CLDN14: variants seen among roughly 807,000 people sequenced by gnomAD.
The protein encoded by CLDN14 is claudin 14.
In CLDN14, 2 loss-of-function variants were observed where a neutral mutation model predicts 2.1. That is an observed-to-expected ratio of 0.96 (90% confidence interval 0.39 to 3.01). The LOEUF (loss-of-function observed/expected upper bound fraction) is 3.01, where lower values mean the gene tolerates loss of function less well. Among genes scored for constraint, CLDN14 ranks in the 30% most tolerant of loss-of-function variants. The probability of loss-of-function intolerance (pLI) is 0.09; values close to 1 mark genes in which losing one functional copy is unlikely to be tolerated. For missense variants in CLDN14, 298 were observed against 328.0 expected (o/e 0.91, Z 0.71); for synonymous variants, 136 against 154.4 (o/e 0.88, Z 0.88).
At chr21:36,525,002 C>T (rs2087312175) in intron 1 of CLDN14, among the ~76,000 whole-genome samples, 1 of 152,190 alleles carries the variant, frequency 6.6e-6, no homozygotes, top group African/African-American at 2.4e-5. Context: ...CCTTCTCCAT[C>T]ACCTGCTTCT....
intron 1 of CLDN14, among the ~76,000 whole-genome samples, chr21:36,525,620 A>G (rs1421973869): frequency 2.6e-5 from 4 of 152,110 alleles, no homozygotes; most frequent in Admixed American, 1.3e-4. Flanking sequence ...GTGAATGGTG[A>G]CTTCCAAGCT....
In CLDN14 at chr21:36,499,883, G is replaced by T. The variant is rs975630083; in HGVS notation, c.-82+10480C>A. Among the ~76,000 whole-genome samples the T allele has an allele frequency of 9.2e-5, 14 of 151,986 alleles. No individual in the cohort carries two copies. The highest frequency in any genetic ancestry group is 3.4e-4 in the African/African-American group (14 of 41,306). ...ACATTTTCACAACATCAGGGGGCTG[G>T]TGGAGAAAATCGGGGGGTCTCCGGA... On this transcript the variant is annotated intron_variant, in intron 2 of 2. Coordinates refer to the CLDN14 transcript ENST00000342108. The surrounding 1 kb of genome is among the most constrained non-coding windows in gnomAD (Gnocchi z 4.7).
chr21:36,478,783 G>A (rs2146445808), intron 1 of CLDN14, among the ~76,000 whole-genome samples: 1 of 152,290 alleles, frequency 6.6e-6, no homozygotes, highest in East Asian at 1.9e-4. Context: ...GTTTGGGGAC[G>A]GTCTCAGGAC....
chr21:36,497,870 T>C (rs1245028876), intron 2 of CLDN14, among the ~76,000 whole-genome samples: 2 of 152,188 alleles, frequency 1.3e-5, no homozygotes, highest in Non-Finnish European at 2.9e-5. Context: ...CTGTGGGGAC[T>C]GCCCCGTGAG....
intron 1 of CLDN14, among the ~76,000 whole-genome samples, chr21:36,566,558 G>T (rs555877270): frequency 6.6e-6 from 1 of 152,100 alleles, no homozygotes; most frequent in Non-Finnish European, 1.5e-5. Flanking sequence ...GGGGCCTCAC[G>T]GTCACTGCAG....
At chr21:36,492,158 G>A (rs2086972171) in intron 2 of CLDN14, among the ~76,000 whole-genome samples, 1 of 148,148 alleles carries the variant, frequency 6.8e-6, no homozygotes, top group Non-Finnish European at 1.5e-5. Context: ...GCAAGGGCCG[G>A]GCGCGGTGGC....
intron 1 of CLDN14, among the ~76,000 whole-genome samples, chr21:36,569,352 G>T (rs904434159): frequency 5.3e-5 from 8 of 151,694 alleles, no homozygotes; most frequent in Admixed American, 3.3e-4. Context: ...GGAGGCAAAG[G>T]TTGCAGTGAG....
Position 36,499,982 on chromosome 21 carries a change from C to T in CLDN14, c.-82+10381G>A, listed in dbSNP as rs759602141. ...CACAGAGTCTACCTGTCTTCCAATG[C>T]GAGTCCCGCGAGGTGAAGAATTAGA... On this transcript the variant is annotated intron_variant, in intron 2 of 2. Transcript: ENST00000342108. This position sits in a 1 kb window ranked among gnomAD's most constrained non-coding sequence, Gnocchi z 4.7. Among the ~76,000 whole-genome samples, 15 of 151,750 alleles carry T rather than the reference C, an allele frequency of 9.9e-5. No individual in the cohort carries two copies. Among genetic ancestry groups the T allele is most frequent in the Non-Finnish European group, 1.6e-4 (11 of 67,976 alleles).
upstream of CLDN14, among the ~76,000 whole-genome samples, chr21:36,482,448 GGATA>G (rs894132521): frequency 4.9e-4 from 70 of 141,852 alleles, no homozygotes; most frequent in African/African-American, 1.5e-3. Flanking sequence ...ATGGATGGAT[GGATA>G]GATGGATGGA....
chr21:36,472,313 T>C (rs1016792800), intron 1 of CLDN14, among the ~76,000 whole-genome samples: 1 of 152,156 alleles, frequency 6.6e-6, no homozygotes, highest in Non-Finnish European at 1.5e-5. Flanking sequence ...GCTGATGGTT[T>C]AGCTGCGGGG....
chr21:36,482,953 T>C (rs2086862754), upstream of CLDN14, among the ~76,000 whole-genome samples: 1 of 152,252 alleles, frequency 6.6e-6, no homozygotes, highest in African/African-American at 2.4e-5. Flanking sequence ...TATTTACTAA[T>C]TTAATCCTGA....
intron 1 of CLDN14, among the ~76,000 whole-genome samples, chr21:36,527,324 T>C (rs1184971869): frequency 6.6e-6 from 1 of 152,224 alleles, no homozygotes; most frequent in African/African-American, 2.4e-5. Context: ...CTGATGGCTA[T>C]TTTAAAAAAT....
chr21:36,561,836 T>C (rs2087637741), intron 1 of CLDN14, among the ~76,000 whole-genome samples: 1 of 152,106 alleles, frequency 6.6e-6, no homozygotes, highest in Admixed American at 6.5e-5. Context: ...CAGGCACTAC[T>C]CCCTCCTTTT....
intron 1 of CLDN14, among the ~76,000 whole-genome samples, chr21:36,543,590 A>G (rs948226204): frequency 1.3e-5 from 2 of 152,190 alleles, no homozygotes; most frequent in Non-Finnish European, 2.9e-5. Flanking sequence ...GTGCTTTAGC[A>G]CTTTGGCTTT....
At chr21:36,539,363 A>AGTGAGTGTG (rs1568874553) in intron 1 of CLDN14, among the ~76,000 whole-genome samples, 2 of 140,438 alleles carry the variant, frequency 1.4e-5, no homozygotes, top group East Asian at 4.2e-4. Flanking sequence ...GAGTGAGTGT[A>AGTGAGTGTG]TGTGCGGAGT....
intron 1 of CLDN14, among the ~76,000 whole-genome samples, chr21:36,479,209 C>T (rs1366841889): frequency 2.0e-5 from 3 of 152,204 alleles, no homozygotes; most frequent in East Asian, 1.9e-4. Context: ...GCCTGGTAAG[C>T]GATGAAAAGA....
At chr21:36,510,091 G>A (rs748532628) in intron 2 of CLDN14, among the ~76,000 whole-genome samples, 16 of 152,170 alleles carry the variant, frequency 1.1e-4, no homozygotes, top group Non-Finnish European at 1.9e-4. Flanking sequence ...GGGCTCAGTT[G>A]GGTTTTTGGC....
intron 1 of CLDN14, among the ~76,000 whole-genome samples, chr21:36,541,057 GA>G (rs1490415796): frequency 6.6e-6 from 1 of 152,174 alleles, no homozygotes; most frequent in Non-Finnish European, 1.5e-5. Flanking sequence ...TTAGAGTTGA[GA>G]AAAGAGGAGA....
upstream of CLDN14, among the ~76,000 whole-genome samples, chr21:36,483,088 G>A (rs908269169): frequency 5.9e-5 from 9 of 152,232 alleles, no homozygotes; most frequent in Non-Finnish European, 1.2e-4. Flanking sequence ...TTTGAACCGA[G>A]CACACTGGCC....
Sources: gnomAD v4.1 joint callset for allele counts (sites outside exome capture counted in the v4.1 genomes callset) on GRCh38, gnomAD v4.1.1 for gene constraint, Gnocchi (gnomAD v3.1) non-coding constraint, MANE v1.5 for transcripts, NCBI Gene and HGNC (gene_info 2026-07-23, HGNC 2026-07-21) for gene names.